GAS7: variants seen among roughly 807,000 people sequenced by gnomAD.
The protein encoded by GAS7 is growth arrest-specific protein 7.
A neutral mutation model predicts 71.1 loss-of-function variants in GAS7; 28 were observed. That is an observed-to-expected ratio of 0.39 (90% CI 0.29 to 0.54). GAS7 has a LOEUF of 0.54. Among genes scored for constraint, GAS7 ranks in the 20% least tolerant of loss-of-function variants. The pLI is 0.62. For missense variants in GAS7, 436 were observed against 627.8 expected (o/e 0.69, Z 3.27); for synonymous variants, 258 against 245.8 (o/e 1.05, Z -0.46).
At chr17:10,159,549 C>CA (rs2074235164) in intron 1 of GAS7, among the ~76,000 whole-genome samples, 1 of 151,932 alleles carries the variant, frequency 6.6e-6, no homozygotes, top group Non-Finnish European at 1.5e-5. Flanking sequence ...TGCACCCCCC[C>CA]CAACCTCCAT....
At chr17:10,054,633 G>A (rs77694213) in intron 1 of GAS7, among the ~76,000 whole-genome samples, 4,821 of 152,234 alleles carry the variant, frequency 0.032, 213 homozygotes, top group East Asian at 0.096. Flanking sequence ...ATAAGCAGTC[G>A]TTTGAAGAGG....
At chr17:9,920,271 T>A (rs901165863) in intron 11 of GAS7, among the ~76,000 whole-genome samples, 16 of 152,022 alleles carry the variant, frequency 1.1e-4, no homozygotes, top group African/African-American at 2.9e-4. Context: ...GTCTAAAACA[T>A]GCACTGGAGG....
intron 2 of GAS7, among the ~76,000 whole-genome samples, chr17:10,014,340 C>T (rs934608233): frequency 5.9e-5 from 9 of 152,146 alleles, no homozygotes; most frequent in African/African-American, 2.2e-4. Flanking sequence ...TTTAGTCTGT[C>T]GGCCTCCACG....
intron 4 of GAS7, among the ~76,000 whole-genome samples, chr17:9,963,933 G>C (rs2069602538): frequency 6.6e-6 from 1 of 151,982 alleles, no homozygotes; most frequent in Non-Finnish European, 1.5e-5. Flanking sequence ...TAATCTAGGG[G>C]GTGGAGGGCA....
rs932973938 is a variant in GAS7 at position 9,914,819 on chromosome 17, G to C, written c.*2409C>G. On this transcript the variant is annotated 3_prime_UTR_variant, in exon 14 of 14. Coordinates refer to ENST00000432992, the MANE Select transcript of GAS7 (RefSeq NM_201433.2). The stretch of plus-strand genomic sequence containing the variant: ...TAGAGCGCCGCTTCTCAGCATGCCT[G>C]GCTTGTCTTGAGCATTCGCTGAATG... 1.3e-5 allele frequency: 3 copies of C among 230,156 alleles called. No homozygotes were observed. The East Asian group carries it at 1.8e-4, about 14-fold the overall frequency. The allele number at this position is 230,156 out of a possible 1,614,324, so 14.3% of individuals were successfully genotyped here.
At chr17:10,189,799 T>C (rs1185219046) in intron 1 of GAS7, among the ~76,000 whole-genome samples, 1 of 151,856 alleles carries the variant, frequency 6.6e-6, no homozygotes, top group Non-Finnish European at 1.5e-5. Context: ...ATTAGCCGGC[T>C]GTGGTGGCGG....
chr17:10,112,785 GAGAA>G (rs761145338), intron 1 of GAS7, among the ~76,000 whole-genome samples: 14 of 63,830 alleles, frequency 2.2e-4, no homozygotes, highest in Non-Finnish European at 4.8e-4. Flanking sequence ...AAGAGAGAAA[GAGAA>G]AGAAAGAAAA....
At chr17:9,980,754 A>G (rs2070381839) in intron 3 of GAS7, among the ~76,000 whole-genome samples, 1 of 152,216 alleles carries the variant, frequency 6.6e-6, no homozygotes, top group Non-Finnish European at 1.5e-5. Context: ...GGGAGAGTGA[A>G]GGTCAACTAG....
chr17:9,982,224 C>CT (rs1429531309), intron 2 of GAS7, among the ~76,000 whole-genome samples: 1 of 152,174 alleles, frequency 6.6e-6, no homozygotes, highest in Non-Finnish European at 1.5e-5. Context: ...TTCACCCCTA[C>CT]TTTGTCTCGG....
At chr17:10,049,048 G>A (rs1384037748) in intron 1 of GAS7, among the ~76,000 whole-genome samples, 1 of 152,206 alleles carries the variant, frequency 6.6e-6, no homozygotes, top group East Asian at 1.9e-4. Flanking sequence ...TGTGTGAGGA[G>A]CACGCATAAC....
At chr17:9,991,202 C>G (rs2070828932) in intron 2 of GAS7, among the ~76,000 whole-genome samples, 1 of 152,218 alleles carries the variant, frequency 6.6e-6, no homozygotes, top group African/African-American at 2.4e-5. Flanking sequence ...TGCCTCACCC[C>G]TCCTTTTGAT....
chr17:10,004,357 C>A (rs2071385350), intron 2 of GAS7, among the ~76,000 whole-genome samples: 1 of 152,154 alleles, frequency 6.6e-6, no homozygotes, highest in South Asian at 2.1e-4. Context: ...ACCTACAGAT[C>A]ATTTCAATGC....
At chr17:9,933,664 C>T (rs1459160939) in intron 9 of GAS7, among the ~76,000 whole-genome samples, 3 of 151,858 alleles carry the variant, frequency 2.0e-5, no homozygotes, top group Admixed American at 6.6e-5. Flanking sequence ...GGGAAAATAG[C>T]GAGACCCCAT....
chr17:10,162,609 A>G (rs1465482321), intron 1 of GAS7, among the ~76,000 whole-genome samples: 1 of 152,214 alleles, frequency 6.6e-6, no homozygotes, highest in African/African-American at 2.4e-5. Flanking sequence ...AAGTTTCCAG[A>G]GATGTATTAA....
rs573025843 is a variant in GAS7 at position 10,068,643 on chromosome 17, A to G, written c.184-48746T>C. 4.1e-3 allele frequency among the ~76,000 whole-genome samples: 623 copies of G among 152,080 alleles called. 22 individuals carry two copies. The highest frequency in any genetic ancestry group is 0.034 in the Admixed American group (525 of 15,270). On this transcript the variant is annotated intron_variant, in intron 1 of 13. Coordinates refer to ENST00000432992, the MANE Select transcript of GAS7 (RefSeq NM_201433.2). ...GCCAGGCATGGTGGCACACGCCTACAGTTCCAGCTTCTCGGGAGGCTGAGA... is the reference window on the plus strand; with the variant it reads ...GCCAGGCATGGTGGCACACGCCTACGGTTCCAGCTTCTCGGGAGGCTGAGA...
At chr17:9,996,461 G>A (rs370696147) in intron 2 of GAS7, among the ~76,000 whole-genome samples, 7 of 150,994 alleles carry the variant, frequency 4.6e-5, no homozygotes, top group Non-Finnish European at 7.4e-5. Flanking sequence ...TAGGAGATAT[G>A]CCTAATGTTA....
intron 2 of GAS7, among the ~76,000 whole-genome samples, chr17:10,012,909 T>C (rs2071832399): frequency 6.6e-6 from 1 of 151,870 alleles, no homozygotes; most frequent in South Asian, 2.1e-4. Flanking sequence ...GAGACCATCC[T>C]GGCTAACACT....
chr17:10,093,171 G>C (rs1043822670), intron 1 of GAS7, among the ~76,000 whole-genome samples: 1 of 152,172 alleles, frequency 6.6e-6, no homozygotes, highest in African/African-American at 2.4e-5. Context: ...CACAACCTTG[G>C]ACAAGACCAA....
chr17:10,152,691 A>C (rs2074175603), intron 1 of GAS7, among the ~76,000 whole-genome samples: 3 of 152,164 alleles, frequency 2.0e-5, no homozygotes, highest in Non-Finnish European at 4.4e-5. Flanking sequence ...AGGCCTCTCT[A>C]TATTAACATA....
Sources: allele counts gnomAD v4.1 joint callset (sites outside exome capture counted in the v4.1 genomes callset), GRCh38; gene constraint gnomAD v4.1.1; transcripts MANE v1.5; gene names NCBI Gene and HGNC (gene_info 2026-07-23, HGNC 2026-07-21).